RNLS: variants seen among roughly 807,000 people sequenced by gnomAD.
RNLS encodes the protein renalase, FAD dependent amine oxidase, also known as renalase.
Under a neutral mutation model 39.8 loss-of-function variants are expected in RNLS, and 39 were observed. The ratio of observed to expected loss-of-function variants is 0.98; its 90% confidence interval spans 0.76 to 1.28. The LOEUF (loss-of-function observed/expected upper bound fraction) is 1.28. Among genes scored for constraint, RNLS ranks in the 50% most tolerant of loss-of-function variants. The pLI is 0.00. For synonymous variants in RNLS, 147 were observed against 150.7 expected, an observed-to-expected ratio of 0.98 and a Z score of 0.18; for missense variants, 410 against 413.3, an observed-to-expected ratio of 0.99 and a Z score of 0.07.
At chr10:88,466,070 G>A (rs1244403103) in intron 4 of RNLS, among the ~76,000 whole-genome samples, 1 of 152,024 alleles carries the variant, frequency 6.6e-6, no homozygotes, top group African/African-American at 2.4e-5. Context: ...ATTGTTAGAA[G>A]GAGAAGACAA....
rs757192697 is a variant in RNLS, at chr10:88,285,394, G to A, written c.989C>T (p.Ser330Phe). 14 of 1,612,664 alleles carry A rather than the reference G, an allele frequency of 8.7e-6. No homozygotes were observed. Among genetic ancestry groups the A allele is most frequent in the South Asian group, 3.3e-5 (3 of 91,052 alleles). The change falls in exon 7 of 7, where the codon TCT becomes TTT. Residue 330 changes from serine to phenylalanine, a missense_variant. Ser to Phe is a radical substitution (Grantham distance 155, BLOSUM62 -2). Coordinates refer to ENST00000331772, the MANE Select transcript of RNLS (RefSeq NM_001031709.3). ...TAAAGCTTCCAGAACACATAGGGCA[G>A]AAGTGATGCAGCCATCAAAGTTGGA... ...TQSNFDGCIT[S>F]ALCVLEALKN...
chr10:88,202,102 G>A, the RNLS span, among the ~76,000 whole-genome samples: 16 of 152,118 alleles, frequency 1.1e-4, no homozygotes, highest in African/African-American at 3.9e-4. Flanking sequence ...TATACACCAT[G>A]GAATACTATG....
Position 88,484,886 on chromosome 10 carries a change from T to C in RNLS, c.526+88017A>G, listed in dbSNP as rs1264067843. 2.0e-5 allele frequency among the ~76,000 whole-genome samples: 3 copies of C among 152,032 alleles called. No homozygotes were observed. In the East Asian group the frequency reaches 5.8e-4, roughly 29 times the overall value. ...TAGTCAGTTGAGGCATTTATCTCCA[T>C]GTATTTATATCTTCAATTTTGCTTA... On this transcript the variant is annotated intron_variant, in intron 4 of 6. Coordinates refer to ENST00000331772, the MANE Select transcript of RNLS (RefSeq NM_001031709.3).
At chr10:88,550,291 G>T (rs971507770) in intron 4 of RNLS, among the ~76,000 whole-genome samples, 5 of 152,148 alleles carry the variant, frequency 3.3e-5, no homozygotes, top group African/African-American at 4.8e-5. Flanking sequence ...TTTTCCTTTG[G>T]TAACTGATTT....
chr10:88,466,077 A>T (rs1843188523), intron 4 of RNLS, among the ~76,000 whole-genome samples: 1 of 152,032 alleles, frequency 6.6e-6, no homozygotes, highest in African/African-American at 2.4e-5. Context: ...GAAGGAGAAG[A>T]CAAAGAGGGA....
chr10:88,312,377 T>C (rs1346463615), intron 6 of RNLS, among the ~76,000 whole-genome samples: 3 of 152,194 alleles, frequency 2.0e-5, no homozygotes, highest in Non-Finnish European at 4.4e-5. Flanking sequence ...CTAGGGCCTC[T>C]AGAAAGAAAT....
chr10:88,499,711 A>T (rs1845366918), intron 4 of RNLS, among the ~76,000 whole-genome samples: 1 of 152,038 alleles, frequency 6.6e-6, no homozygotes, highest in Non-Finnish European at 1.5e-5. Context: ...TTTCTCAAGA[A>T]GCTTTTCAGT....
the RNLS span, among the ~76,000 whole-genome samples, chr10:88,240,588 C>G: frequency 2.1e-4 from 30 of 146,124 alleles, no homozygotes; most frequent in Non-Finnish European, 2.3e-4. Context: ...TCATAATAGA[C>G]TCTTTTCTCT....
chr10:88,443,696 C>A (rs2133860754), intron 4 of RNLS, among the ~76,000 whole-genome samples: 1 of 152,356 alleles, frequency 6.6e-6, no homozygotes, highest in Middle Eastern at 3.4e-3. Context: ...GGGTCCCATG[C>A]CCACAGAGCG....
At chr10:88,227,787 G>T in the RNLS span, among the ~76,000 whole-genome samples, 1 of 152,246 alleles carries the variant, frequency 6.6e-6, no homozygotes, top group Non-Finnish European at 1.5e-5. Flanking sequence ...TACATGGACA[G>T]CTGCCAGGAG....
chr10:88,435,924 T>C (rs1450726591), intron 4 of RNLS, among the ~76,000 whole-genome samples: 1 of 152,154 alleles, frequency 6.6e-6, no homozygotes, highest in Non-Finnish European at 1.5e-5. Flanking sequence ...ATAATTATTA[T>C]ATTATCAGTA....
chr10:88,333,746 C>T lies in RNLS; in HGVS notation c.701-19105G>A, dbSNP rs148859766. Reference sequence around the variant, plus strand: ...TGTGAAATCTAATTTCCAATGTGTTCGTATTTAGAGGTGGGGCCGTTAGGA... The same window carrying T: ...TGTGAAATCTAATTTCCAATGTGTTTGTATTTAGAGGTGGGGCCGTTAGGA... On this transcript the variant is annotated intron_variant, in intron 5 of 6. Coordinates refer to ENST00000331772, the MANE Select transcript of RNLS (RefSeq NM_001031709.3). Among the ~76,000 whole-genome samples, 609 of 152,178 alleles carry T rather than the reference C, an allele frequency of 4.0e-3. 3 individuals are homozygous for T. Among genetic ancestry groups the T allele is most frequent in the South Asian group, 0.028 (137 of 4,822 alleles).
intron 4 of RNLS, among the ~76,000 whole-genome samples, chr10:88,512,204 A>C (rs906325618): frequency 1.3e-5 from 2 of 152,154 alleles, no homozygotes; most frequent in Admixed American, 6.6e-5. Flanking sequence ...TATTTGTATT[A>C]CTTTCTTTTT....
chr10:88,548,777 A>T (rs939852336), intron 4 of RNLS, among the ~76,000 whole-genome samples: 1 of 150,664 alleles, frequency 6.6e-6, no homozygotes, highest in African/African-American at 2.4e-5. Flanking sequence ...TGTATAATAG[A>T]GTATATTATA....
chr10:88,539,059 G>A (rs1847915302), intron 4 of RNLS, among the ~76,000 whole-genome samples: 1 of 152,090 alleles, frequency 6.6e-6, no homozygotes, highest in East Asian at 1.9e-4. Context: ...AGTTTTAAGA[G>A]ATTTGGAAAC....
chr10:88,197,122 C>T, the RNLS span, among the ~76,000 whole-genome samples: 1 of 152,166 alleles, frequency 6.6e-6, no homozygotes, highest in African/African-American at 2.4e-5. Context: ...AAAGCTTCTG[C>T]CACTTAATAG....
intron 6 of RNLS, among the ~76,000 whole-genome samples, chr10:88,290,245 TTGTC>T (rs1189556632): frequency 6.6e-6 from 1 of 152,204 alleles, no homozygotes; most frequent in Non-Finnish European, 1.5e-5. Context: ...GAACAGTCAT[TTGTC>T]TGGCCTATAG....
At chr10:88,471,044 T>C (rs1198380830) in intron 4 of RNLS, among the ~76,000 whole-genome samples, 1 of 152,142 alleles carries the variant, frequency 6.6e-6, no homozygotes, top group African/African-American at 2.4e-5. Flanking sequence ...ATCTTAGCCC[T>C]GTAATCTCAT....
chr10:88,208,480 AG>A, the RNLS span, among the ~76,000 whole-genome samples: 1 of 152,216 alleles, frequency 6.6e-6, no homozygotes, highest in South Asian at 2.1e-4. Context: ...GTAATCCCCT[AG>A]AGCCACTGTA....
Sources: gnomAD v4.1 joint callset for allele counts (sites outside exome capture counted in the v4.1 genomes callset) on GRCh38, gnomAD v4.1.1 for gene constraint, MANE v1.5 for transcripts, NCBI Gene and HGNC (gene_info 2026-07-23, HGNC 2026-07-21) for gene names.